The following FRAS1 variants were observed in gnomAD, a reference collection of about 807,000 sequenced individuals.
FRAS1 encodes Fraser extracellular matrix complex subunit 1.
In FRAS1, 290 loss-of-function variants were observed where a neutral mutation model predicts 435.2. That is an observed-to-expected ratio of 0.67 (90% CI 0.61 to 0.73). The LOEUF is 0.73. Ranked by LOEUF, FRAS1 falls within the 30% of genes least tolerant of loss-of-function variation. The pLI is 0.00. For synonymous variants in FRAS1, 1,800 were observed against 1,851.0 expected (o/e 0.97, Z 0.71); for missense variants, 4,860 against 5,001.5 (o/e 0.97, Z 0.85).
At position 78,511,357 on chromosome 4, in the gene FRAS1, C is replaced by A; in HGVS notation, c.9864C>A (p.Thr3288=). 1.2e-6 allele frequency: 2 copies of A among 1,613,808 alleles called. No homozygotes were observed. Among genetic ancestry groups the A allele is most frequent in the South Asian group, 2.2e-5 (2 of 91,076 alleles). ...TGGACAAGGTGGGCCATGTGGGGAC[C>A]CCCTTAAGGAGCAACATTGTTACCA... ...KAVDKVGHVG[T]PLRSNIVTIG... The change falls in exon 64 of 74, where the codon ACC becomes ACA. Residue 3288 remains threonine (T), a synonymous_variant. Coordinates refer to ENST00000512123, the MANE Select transcript of FRAS1 (RefSeq NM_025074.7).
intron 2 of FRAS1, among the ~76,000 whole-genome samples, chr4:78,146,269 T>C (rs1056892325): frequency 3.9e-5 from 6 of 152,192 alleles, no homozygotes; most frequent in African/African-American, 1.4e-4. Context: ...TTAATACTTT[T>C]AGCTCTTCCT....
intron 30 of FRAS1, 63 bp downstream of exon 30, chr4:78,400,950 G>C (rs1732869175): frequency 6.7e-7 from 1 of 1,489,082 alleles, no homozygotes; most frequent in Non-Finnish European, 9.2e-7. Context: ...GTTTGCTACT[G>C]TATAGTGCCA....
chr4:78,112,624 C>T (rs943108020), intron 2 of FRAS1, among the ~76,000 whole-genome samples: 2 of 151,970 alleles, frequency 1.3e-5, no homozygotes, highest in African/African-American at 4.8e-5. Flanking sequence ...TCTTGCCAAA[C>T]GGATTTTGTA....
chr4:78,219,969 C>T (rs1367948605), intron 2 of FRAS1, among the ~76,000 whole-genome samples: 1 of 152,084 alleles, frequency 6.6e-6, no homozygotes, highest in Admixed American at 6.5e-5. Context: ...CTTGCTCATC[C>T]CATATCCTCT....
chr4:78,247,995 G>A (rs1232962302), intron 4 of FRAS1, among the ~76,000 whole-genome samples: 1 of 152,198 alleles, frequency 6.6e-6, no homozygotes, highest in Non-Finnish European at 1.5e-5. Context: ...TGAGCTAAGG[G>A]CTGCGTGAGA....
intron 61 of FRAS1, among the ~76,000 whole-genome samples, chr4:78,501,021 G>A (rs1720662363): frequency 1.3e-5 from 2 of 152,060 alleles, no homozygotes; most frequent in Admixed American, 1.3e-4. Flanking sequence ...CAACATGCAG[G>A]TTTGTTACAT....
At chr4:78,448,793 G>T (rs964204527) in intron 44 of FRAS1, among the ~76,000 whole-genome samples, 4 of 152,124 alleles carry the variant, frequency 2.6e-5, no homozygotes, top group African/African-American at 9.7e-5. Flanking sequence ...ATCAGATATG[G>T]TATTCTAGGG....
chr4:78,426,739 T>C (rs574308456), intron 35 of FRAS1, among the ~76,000 whole-genome samples: 14 of 152,340 alleles, frequency 9.2e-5, no homozygotes, highest in Non-Finnish European at 1.3e-4. Context: ...CATTTGACTG[T>C]TTCTCAAAGA....
At chr4:78,248,163 G>C (rs1198680921) in intron 4 of FRAS1, among the ~76,000 whole-genome samples, 1 of 152,162 alleles carries the variant, frequency 6.6e-6, no homozygotes, top group Non-Finnish European at 1.5e-5. Context: ...GCTGACTCCA[G>C]GTTATTTGAG....
In FRAS1 at chr4:78,541,198, T is replaced by C; in HGVS notation, c.*74T>C. 2.2e-6 allele frequency: 2 copies of C among 916,772 alleles called. No homozygotes were observed. The highest frequency in any genetic ancestry group is 3.0e-6 in the Non-Finnish European group (2 of 670,484). The allele number at this position is 916,772 out of a possible 1,614,324, so 56.8% of individuals were successfully genotyped here. A position where few individuals can be genotyped will look rare whatever the true frequency, so the allele number is the denominator to read the frequency against. ...GGGGGAAATACTGGTATTTTTATAA[T>C]CTCGCAGATAAAAAAGGGAAAACTA... On this transcript the variant is annotated 3_prime_UTR_variant, in exon 74 of 74. Transcript: ENST00000512123.
At chr4:78,337,972 G>T in intron 20 of FRAS1, 155 bp downstream of exon 20, 1 of 669,922 alleles carries the variant, frequency 1.5e-6, no homozygotes, top group Non-Finnish European at 2.6e-6. Context: ...GCTTCTCCTT[G>T]GGCATTTAGT....
At chr4:78,406,007 A>T (rs566587230) in intron 30 of FRAS1, among the ~76,000 whole-genome samples, 14 of 152,346 alleles carry the variant, frequency 9.2e-5, no homozygotes, top group Non-Finnish European at 1.6e-4. Flanking sequence ...GTACAAACAG[A>T]TTGCTGGTGA....
At chr4:78,281,302 C>A (rs1727318641) in intron 10 of FRAS1, 96 bp from the exon 11 acceptor site, 1 of 786,190 alleles carries the variant, frequency 1.3e-6, no homozygotes, top group Non-Finnish European at 2.0e-6. Flanking sequence ...GTTGCATGTT[C>A]CTTGGGAAAA....
At chr4:78,395,041 C>T (rs770359171) in intron 29 of FRAS1, among the ~76,000 whole-genome samples, 19 of 151,816 alleles carry the variant, frequency 1.3e-4, no homozygotes, top group African/African-American at 4.3e-4. Flanking sequence ...TATTGCATGT[C>T]GGTTTTATTT....
At position 78,509,099 on chromosome 4, in the gene FRAS1, TGCATG is replaced by T. The variant is rs1720948737; in HGVS notation, c.9780+98_9780+102del. 7.3e-6 allele frequency: 10 copies of T among 1,367,120 alleles called. No homozygotes were observed. In the South Asian group the frequency reaches 1.1e-4, roughly 15 times the overall value. 84.7% of individuals were successfully genotyped at this position (1,367,120 alleles called of 1,614,324 possible). On this transcript the variant is annotated intron_variant, in intron 63 of 73. Coordinates refer to ENST00000512123, the MANE Select transcript of FRAS1 (RefSeq NM_025074.7). ...AGATAATCAAATTCCTTATGGTCCA[TGCATG>T]GCATTTGGAATAAAACAAATAAGCA...
intron 33 of FRAS1, 51 bp from the exon 34 acceptor site, chr4:78,421,812 G>A: frequency 1.3e-6 from 2 of 1,598,854 alleles, no homozygotes; most frequent in Non-Finnish European, 8.6e-7. Context: ...TAGTCATTCA[G>A]TCAGTGATGA....
chr4:78,118,907 C>G (rs1718840213), intron 2 of FRAS1, among the ~76,000 whole-genome samples: 2 of 152,206 alleles, frequency 1.3e-5, no homozygotes, highest in Admixed American at 1.3e-4. Context: ...TCTTCTGCAT[C>G]ACTCACGCTG....
At chr4:78,092,987 C>G (rs1741610331) in intron 2 of FRAS1, among the ~76,000 whole-genome samples, 1 of 152,176 alleles carries the variant, frequency 6.6e-6, no homozygotes, top group African/African-American at 2.4e-5. Flanking sequence ...GAAAAAAACT[C>G]AGCAGGCTTT....
rs188060910 is a variant in FRAS1 at position 78,209,453 on chromosome 4, T to G, written c.109-28057T>G. Among the ~76,000 whole-genome samples the G allele has an allele frequency of 4.0e-3, 611 of 152,208 alleles. 7 individuals are homozygous for G. Among genetic ancestry groups the G allele is most frequent in the Non-Finnish European group, 4.4e-3 (300 of 68,006 alleles). ...CCTCCAGCTCCCTCCCTCTGTTGGG[T>G]GGCTTCCTCTGTCCCCAAAAGACCA... On this transcript the variant is annotated intron_variant, in intron 2 of 73. Transcript: ENST00000512123.
Sources: allele counts gnomAD v4.1 joint callset (sites outside exome capture counted in the v4.1 genomes callset), GRCh38; gene constraint gnomAD v4.1.1; transcripts MANE v1.5; gene names NCBI Gene and HGNC (gene_info 2026-07-23, HGNC 2026-07-21).